The following TCN2 variants were observed in gnomAD, a reference collection of about 807,000 sequenced individuals.
TCN2 encodes transcobalamin 2.
In TCN2, 34 loss-of-function variants were observed where a neutral mutation model predicts 48.6. The observed-to-expected ratio is 0.70, with a 90% CI of 0.53 to 0.93. TCN2 has a LOEUF of 0.93. Among genes scored for constraint, TCN2 ranks in the 40% least tolerant of loss-of-function variants. The pLI is 0.00. For missense variants in TCN2, 652 were observed against 526.1 expected (o/e 1.24, Z -2.34); for synonymous variants, 283 against 212.5 (o/e 1.33, Z -2.89).
chr22:30,624,055 C>CATATATATATATATACATATAT (rs1569047268), intron 8 of TCN2, among the ~76,000 whole-genome samples: 3 of 17,414 alleles, frequency 1.7e-4, no homozygotes, highest in Non-Finnish European at 3.1e-4. Context: ...CACACACACA[C>CATATATATATATATACATATAT]ACACACATAT....
intron 8 of TCN2, among the ~76,000 whole-genome samples, chr22:30,623,551 C>A (rs1386540094): frequency 3.3e-5 from 5 of 151,550 alleles, no homozygotes; most frequent in Non-Finnish European, 4.4e-5. Context: ...CGCACCCAGC[C>A]AAAATTACTT....
In TCN2 at chr22:30,623,020, A is replaced by G. The variant is rs768633265; in HGVS notation, c.1159A>G (p.Lys387Glu). 2.6e-5 allele frequency: 42 copies of G among 1,613,872 alleles called. No homozygotes were observed. In the South Asian group the frequency reaches 4.6e-4, roughly 18 times the overall value. Reference protein sequence around the residue: ...SGPYLTSVMGKAAGEREFWQL... With the variant: ...SGPYLTSVMGEAAGEREFWQL... The stretch of plus-strand genomic sequence containing the variant: ...CCCCTACTTAACCTCCGTGATGGGG[A>G]AAGCGGCCGGAGAAAGGGAGTTCTG... The change falls in exon 8 of 9, where the codon AAA (lysine) becomes GAA (glutamate). Residue 387 changes from lysine to glutamate, a missense_variant. Coordinates refer to ENST00000215838, the MANE Select transcript of TCN2 (RefSeq NM_000355.4).
intron 1 of TCN2, among the ~76,000 whole-genome samples, chr22:30,609,848 A>G (rs1309350842): frequency 6.6e-6 from 1 of 152,194 alleles, no homozygotes; most frequent in Non-Finnish European, 1.5e-5. Context: ...AGCAACAGGT[A>G]TCTGGGGCTG....
At chr22:30,618,912 G>A (rs1229744580) in intron 7 of TCN2, among the ~76,000 whole-genome samples, 1 of 152,022 alleles carries the variant, frequency 6.6e-6, no homozygotes, top group African/African-American at 2.4e-5. Context: ...TGGGACTATG[G>A]GCATGCACCA....
intron 6 of TCN2, among the ~76,000 whole-genome samples, chr22:30,616,638 T>C (rs1040408403): frequency 2.0e-5 from 3 of 151,948 alleles, no homozygotes; most frequent in African/African-American, 7.3e-5. Flanking sequence ...CTGTCTTTAC[T>C]AAAATACGAA....
chr22:30,623,213 A>C, intron 8 of TCN2, 130 bp downstream of exon 8: 1 of 807,474 alleles, frequency 1.2e-6, no homozygotes, highest in Non-Finnish European at 2.1e-6. Flanking sequence ...ACTGATGCTC[A>C]AAGTTGGATA....
chr22:30,613,811 A>G (rs1322917999), intron 3 of TCN2, among the ~76,000 whole-genome samples: 1 of 151,850 alleles, frequency 6.6e-6, no homozygotes, highest in Non-Finnish European at 1.5e-5. Context: ...CAGCCTGTCT[A>G]CCCTTACCTT....
chr22:30,620,914 G>C (rs184668630), intron 7 of TCN2, among the ~76,000 whole-genome samples: 2 of 152,332 alleles, frequency 1.3e-5, no homozygotes, highest in East Asian at 3.9e-4. Flanking sequence ...GCAGAGTTAA[G>C]GAATGGGAAA....
At chr22:30,626,271 C>G (rs928028748) in intron 8 of TCN2, among the ~76,000 whole-genome samples, 189 bp from the exon 9 acceptor site, 2 of 152,078 alleles carry the variant, frequency 1.3e-5, no homozygotes, top group African/African-American at 4.8e-5. Flanking sequence ...AGGTCATGGC[C>G]TCAGGAACCC....
chr22:30,620,152 T>C (rs2087676887), intron 7 of TCN2, among the ~76,000 whole-genome samples: 1 of 152,038 alleles, frequency 6.6e-6, no homozygotes, highest in African/African-American at 2.4e-5. Flanking sequence ...ACTTTTTTTT[T>C]TTTTTTAAAA....
At chr22:30,617,140 G>A (rs964916754) in intron 6 of TCN2, among the ~76,000 whole-genome samples, 190 bp from the exon 7 acceptor site, 3 of 151,352 alleles carry the variant, frequency 2.0e-5, no homozygotes, top group Non-Finnish European at 4.4e-5. Context: ...GAAGCCAGGT[G>A]GTGGGGAATG....
chr22:30,612,849 A>C (rs1372326979), intron 2 of TCN2, 24 bp from the exon 3 acceptor site: 1 of 1,612,402 alleles, frequency 6.2e-7, no homozygotes, highest in South Asian at 1.1e-5. Context: ...TTTCTCACAA[A>C]GGCATTAACT....
At chr22:30,625,059 A>G (rs986729611) in intron 8 of TCN2, among the ~76,000 whole-genome samples, 9 of 152,146 alleles carry the variant, frequency 5.9e-5, no homozygotes, top group African/African-American at 2.2e-4. Context: ...TCTACTAAAA[A>G]TACAAAAAAT....
chr22:30,612,596 A>G (rs1444438304), intron 2 of TCN2, among the ~76,000 whole-genome samples: 1 of 152,148 alleles, frequency 6.6e-6, no homozygotes, highest in African/African-American at 2.4e-5. Context: ...AGGAGGGGGC[A>G]TATGGGTGAA....
rs576306465 is a variant in TCN2, at chr22:30,615,785, G to C, written c.938G>C (p.Arg313Pro). The C allele has an allele frequency of 6.2e-7, 1 of 1,614,066 alleles. No homozygotes were observed. The highest frequency in any genetic ancestry group is 8.5e-7 in the Non-Finnish European group (1 of 1,180,048). The change falls in exon 6 of 9, where the codon CGA (arginine) becomes CCA (proline). Residue 313 changes from arginine to proline, a missense_variant and splice_region_variant. By Grantham distance (103) the Arg-to-Pro change is moderately radical (BLOSUM62 -2). Transcript: ENST00000215838. ...DLIFPDCLAP[R>P]VMLEPAAETI... ...ATCTTCCCAGACTGTCTGGCACCAC[G>C]AGGTAGCCCAACTTTTTGTGGAAGC...
chr22:30,621,145 A>C (rs2087691913), intron 7 of TCN2, among the ~76,000 whole-genome samples: 1 of 151,942 alleles, frequency 6.6e-6, no homozygotes, highest in African/African-American at 2.4e-5. Context: ...GGGGCCCACC[A>C]TCACACCTGG....
chr22:30,625,223 T>A (rs114577274), intron 8 of TCN2, among the ~76,000 whole-genome samples: 1,642 of 152,108 alleles, frequency 0.011, 24 homozygotes, highest in African/African-American at 0.036. Context: ...CATCTCAAAA[T>A]GAAATAAAAT....
At chr22:30,619,666 A>G (rs922337952) in intron 7 of TCN2, among the ~76,000 whole-genome samples, 11 of 152,284 alleles carry the variant, frequency 7.2e-5, no homozygotes, top group African/African-American at 2.6e-4. Context: ...CTCTGTCCCC[A>G]GTGGGAGTTC....
chr22:30,609,965 C>T (rs1202295740), intron 1 of TCN2, among the ~76,000 whole-genome samples: 1 of 152,132 alleles, frequency 6.6e-6, no homozygotes, highest in East Asian at 1.9e-4. Flanking sequence ...CAGTGAAGGC[C>T]ACCATCAGGC....
Sources: allele counts gnomAD v4.1 joint callset (sites outside exome capture counted in the v4.1 genomes callset), GRCh38; gene constraint gnomAD v4.1.1; transcripts MANE v1.5; gene names NCBI Gene and HGNC (gene_info 2026-07-23, HGNC 2026-07-21).